Variants in CFAP43 observed in about 807,000 individuals in gnomAD.
The protein encoded by CFAP43 is cilia- and flagella-associated protein 43.
A neutral mutation model predicts 218.9 loss-of-function variants in CFAP43; 155 were observed. The observed-to-expected ratio is 0.71, with a 90% CI of 0.62 to 0.81. The LOEUF (loss-of-function observed/expected upper bound fraction) is 0.81. CFAP43 is among the 30% of genes least tolerant of loss of function. The pLI is 0.00. For synonymous variants in CFAP43, 645 were observed against 681.3 expected (o/e 0.95, Z 0.83); for missense variants, 1,778 against 1,954.3 (o/e 0.91, Z 1.70).
Position 104,145,515 on chromosome 10 carries a change from T to A in CFAP43, c.3905A>T (p.Gln1302Leu). ...AAAAAGTTTGTAGAGTATATCCACT[T>A]GATGACCAGGAATTTCAGAAAATTC... is the stretch of plus-strand genomic sequence containing the variant. ...KKEFSEIPGHQVDILYKLFKR... is the reference protein window; with the variant it reads ...KKEFSEIPGHLVDILYKLFKR... Residue 1302 changes from glutamine to leucine, a missense_variant, in exon 31 of 38, where the codon CAA becomes CTA. Physicochemically the swap from Gln to Leu is moderately radical, Grantham distance 113. Transcript: ENST00000357060. 6.2e-7 allele frequency: 1 copy of A among 1,604,018 alleles called. No individual in the cohort carries two copies. Among genetic ancestry groups the A allele is most frequent in the Non-Finnish European group, 8.5e-7 (1 of 1,172,710 alleles).
At chr10:104,184,606 C>A (rs935764577) in intron 16 of CFAP43, among the ~76,000 whole-genome samples, 2 of 152,024 alleles carry the variant, frequency 1.3e-5, no homozygotes, top group African/African-American at 4.8e-5. Context: ...GACCATACCC[C>A]CAACCACCTC....
In CFAP43 at chr10:104,230,959, C is replaced by A; in HGVS notation, c.66-116G>T. ...CATTTCTATTTTCATGTCCTTTCTG[C>A]CCCCAATTTCTAAGATAAAAGAACA... On this transcript the variant is annotated intron_variant, in intron 1 of 37. Transcript: ENST00000357060. The A allele has an allele frequency of 8.8e-6, 10 of 1,133,590 alleles. 1 individual carries two copies. The highest frequency in any genetic ancestry group is 1.2e-5 in the Non-Finnish European group (10 of 835,082). The allele number at this position is 1,133,590 out of a possible 1,614,324, so 70.2% of individuals were successfully genotyped here. A position where few individuals can be genotyped will look rare whatever the true frequency, so the allele number is the denominator to read the frequency against.
At position 104,232,328 on chromosome 10, in the gene CFAP43, C is replaced by T; in HGVS notation, c.-82G>A. The T allele has an allele frequency of 1.4e-6, 2 of 1,382,072 alleles. No homozygotes were observed. The highest frequency in any genetic ancestry group is 1.9e-6 in the Non-Finnish European group (2 of 1,044,760). The allele number at this position is 1,382,072 out of a possible 1,614,324, so 85.6% of individuals were successfully genotyped here. ...CGGTTACCTTTCCGCCGCCGCGGGG[C>T]TGCGGGCCGCGACGCCGCTGCTGTG... is the stretch of plus-strand genomic sequence containing the variant. On this transcript the variant is annotated 5_prime_UTR_variant, in exon 1 of 38. Transcript: ENST00000357060.
intron 27 of CFAP43, among the ~76,000 whole-genome samples, chr10:104,158,019 G>C (rs2088665679): frequency 2.0e-5 from 3 of 152,072 alleles, no homozygotes. Context: ...ACTTGAAGAA[G>C]CTCCGAACAC....
At position 104,192,064 on chromosome 10, in the gene CFAP43, T is replaced by C. The variant is rs2090242671; in HGVS notation, c.1546+135A>G. The stretch of plus-strand genomic sequence containing the variant: ...TGAGAATTCTCCTAAGTAACTTTAG[T>C]TATTTAAAGGTTTCTCTTTCAGAAA... On this transcript the variant is annotated intron_variant, in intron 12 of 37. Coordinates refer to ENST00000357060, the MANE Select transcript of CFAP43 (RefSeq NM_025145.7). 4 of 651,042 alleles carry C rather than the reference T, an allele frequency of 6.1e-6. No individual in the cohort carries two copies. The South Asian group carries it at 6.5e-5, about 11-fold the overall frequency. 40.3% of individuals were successfully genotyped at this position (651,042 alleles called of 1,614,324 possible).
intron 19 of CFAP43, among the ~76,000 whole-genome samples, chr10:104,175,948 A>G (rs1260854130): frequency 6.6e-6 from 1 of 152,246 alleles, no homozygotes; most frequent in Non-Finnish European, 1.5e-5. Flanking sequence ...ATTCTTCTCC[A>G]AATCAAACTA....
rs1031729983 is a variant in CFAP43, at chr10:104,191,485, C to T, written c.1546+714G>A. ...CCTCCAATCCTCCGCACCCCCTGACCAGTGCCCACCTTCACCTCCACTCCT... is the reference window on the plus strand; with the variant it reads ...CCTCCAATCCTCCGCACCCCCTGACTAGTGCCCACCTTCACCTCCACTCCT... On this transcript the variant is annotated intron_variant, in intron 12 of 37. Transcript: ENST00000357060. Among the ~76,000 whole-genome samples, 6 of 152,072 alleles carry T rather than the reference C, an allele frequency of 3.9e-5. No homozygotes were observed. In the East Asian group the frequency reaches 9.6e-4, roughly 24 times the overall value.
chr10:104,214,457 A>T (rs778759202), intron 3 of CFAP43, 31 bp from the exon 4 acceptor site: 1 of 1,518,058 alleles, frequency 6.6e-7, no homozygotes, highest in Non-Finnish European at 8.9e-7. Flanking sequence ...GATGAAAAAA[A>T]GTTCATTTGA....
chr10:104,142,706 C>T lies in CFAP43; in HGVS notation c.4159-313G>A, dbSNP rs115291733. On this transcript the variant is annotated intron_variant, in intron 32 of 37. Coordinates refer to ENST00000357060, the MANE Select transcript of CFAP43 (RefSeq NM_025145.7). ...TCCTAGGTACTTTAACAAAAATATGCCAGCCTGATGCATGTGGGCATTAAA... is the reference window on the plus strand; with the variant it reads ...TCCTAGGTACTTTAACAAAAATATGTCAGCCTGATGCATGTGGGCATTAAA... 1.4e-3 allele frequency among the ~76,000 whole-genome samples: 206 copies of T among 152,058 alleles called. 2 individuals are homozygous for T. Among genetic ancestry groups the T allele is most frequent in the African/African-American group, 4.8e-3 (200 of 41,480 alleles).
chr10:104,164,177 G>A lies in CFAP43; in HGVS notation c.3163C>T (p.Leu1055=), dbSNP rs1200146010. 1.1e-5 allele frequency: 18 copies of A among 1,614,012 alleles called. No homozygotes were observed. Among genetic ancestry groups the A allele is most frequent in the Non-Finnish European group, 1.5e-5 (18 of 1,180,038 alleles). The part of the protein sequence containing the change: ...NVRIREIILD[L]ELEEAVWQPE... ...TGCCAGACTGCTTCTTCCAATTCCA[G>A]ATCTAAAATAATTTCTCGAATTCGA... Residue 1055 remains leucine (L), a synonymous_variant, in exon 24 of 38, where the codon CTG becomes TTG. Transcript: ENST00000357060.
chr10:104,227,201 A>G (rs576262317), intron 2 of CFAP43, among the ~76,000 whole-genome samples: 5 of 152,232 alleles, frequency 3.3e-5, no homozygotes, highest in East Asian at 3.9e-4. Context: ...AACTATATCC[A>G]TAATACTGGA....
chr10:104,172,421 C>T lies in CFAP43; in HGVS notation c.2575G>A (p.Glu859Lys). The change falls in exon 20 of 38, where the codon GAA becomes AAA. Residue 859 changes from glutamate (E) to lysine (K), a missense_variant. Physicochemically the swap from Glu to Lys is moderately conservative, Grantham distance 56. Coordinates refer to ENST00000357060, the MANE Select transcript of CFAP43 (RefSeq NM_025145.7). ...ATACTTTTTCATACCTTTGCCACTT[C>T]TTCCTGACTTTCATCATGAAGCCTT... Reference protein sequence around the residue: ...LERLHDESQEEVAKMIKDVEM... With the variant: ...LERLHDESQEKVAKMIKDVEM... The T allele has an allele frequency of 5.6e-6, 9 of 1,608,214 alleles. No individual in the cohort carries two copies. Among genetic ancestry groups the T allele is most frequent in the Non-Finnish European group, 7.6e-6 (9 of 1,178,594 alleles).
chr10:104,222,924 G>A (rs530985101), intron 3 of CFAP43, among the ~76,000 whole-genome samples: 98 of 152,328 alleles, frequency 6.4e-4, no homozygotes, highest in African/African-American at 2.2e-3. Flanking sequence ...ACACCTCTAG[G>A]ATAGGGGTTG....
At chr10:104,225,932 G>C (rs1212170425) in intron 2 of CFAP43, among the ~76,000 whole-genome samples, 2 of 152,206 alleles carry the variant, frequency 1.3e-5, no homozygotes, top group African/African-American at 2.4e-5. Flanking sequence ...ATCTTGGGAA[G>C]TTGTAATAAT....
rs547493269 is a variant in CFAP43 at position 104,138,138 on chromosome 10, C to T, written c.4431+2704G>A. ...AGCCTGACAAAACTCTACCTCAATT[C>T]AGGTGGTCAAGATTCAATAAACAGT... On this transcript the variant is annotated intron_variant, in intron 34 of 37. Transcript: ENST00000357060. Among the ~76,000 whole-genome samples, 304 of 152,258 alleles carry T rather than the reference C, an allele frequency of 2.0e-3. 2 individuals are homozygous for T. The highest frequency in any genetic ancestry group is 4.8e-3 in the Admixed American group (74 of 15,300).
intron 34 of CFAP43, among the ~76,000 whole-genome samples, chr10:104,139,278 A>G (rs751043020): frequency 6.6e-6 from 1 of 152,234 alleles, no homozygotes; most frequent in Non-Finnish European, 1.5e-5. Flanking sequence ...CCCAGTAGAA[A>G]AAGAGAGAGC....
rs1352858836 is a variant in CFAP43, at chr10:104,185,957, T to C, written c.2010+17A>G. On this transcript the variant is annotated intron_variant, in intron 15 of 37. Coordinates refer to ENST00000357060, the MANE Select transcript of CFAP43 (RefSeq NM_025145.7). ...ATATATACACCCACAATATTTTTTT[T>C]TAAGAAAGCAGCTTACCAAAGTATA... 2 of 1,606,314 alleles carry C rather than the reference T, an allele frequency of 1.2e-6. No individual in the cohort carries two copies. The highest frequency in any genetic ancestry group is 3.5e-5 in the Admixed American group (2 of 57,850).
At chr10:104,197,082 C>T (rs375478555) in intron 9 of CFAP43, 149 bp from the exon 10 acceptor site, 67 of 570,954 alleles carry the variant, frequency 1.2e-4, no homozygotes, top group Admixed American at 2.9e-4. Flanking sequence ...ATCATTTCAA[C>T]GCCAATGCTT....
chr10:104,207,616 A>C, intron 6 of CFAP43, 49 bp downstream of exon 6: 1 of 1,544,396 alleles, frequency 6.5e-7, no homozygotes, highest in South Asian at 1.2e-5. Flanking sequence ...AAACCAAAAA[A>C]ACCAACACCC....
Sources: allele counts gnomAD v4.1 joint callset (sites outside exome capture counted in the v4.1 genomes callset), GRCh38; gene constraint gnomAD v4.1.1; transcripts MANE v1.5; gene names NCBI Gene and HGNC (gene_info 2026-07-23, HGNC 2026-07-21).